The following RASAL2 variants were observed in gnomAD, a reference collection of about 807,000 sequenced individuals.
RASAL2 encodes the protein ras GTPase-activating protein nGAP.
A neutral mutation model predicts 128.9 loss-of-function variants in RASAL2; 58 were observed. The ratio of observed to expected loss-of-function variants is 0.45; its 90% CI spans 0.36 to 0.56. RASAL2 has a LOEUF of 0.56. Ranked by LOEUF, RASAL2 falls within the 20% of genes least tolerant of loss-of-function variation. The pLI, the probability that RASAL2 is intolerant of heterozygous loss-of-function variation, is 0.00. For synonymous variants in RASAL2, 561 were observed against 580.8 expected (o/e 0.97, Z 0.49); for missense variants, 1,360 against 1,601.6 (o/e 0.85, Z 2.57).
At chr1:178,159,063 A>G (rs1314896936) in intron 1 of RASAL2, among the ~76,000 whole-genome samples, 3 of 152,250 alleles carry the variant, frequency 2.0e-5, no homozygotes, top group East Asian at 1.9e-4. Context: ...AAAGTAAAAT[A>G]TAACTTGAAT....
intron 3 of RASAL2, among the ~76,000 whole-genome samples, chr1:178,311,634 A>G (rs1668256593): frequency 6.6e-6 from 1 of 152,130 alleles, no homozygotes; most frequent in Non-Finnish European, 1.5e-5. Flanking sequence ...AATTAGGTGA[A>G]TATGTGCACG....
At chr1:178,214,940 A>G (rs1372824932) in intron 1 of RASAL2, among the ~76,000 whole-genome samples, 2 of 152,208 alleles carry the variant, frequency 1.3e-5, no homozygotes, top group Non-Finnish European at 2.9e-5. Context: ...TAAATGGGAC[A>G]TATTAACTGT....
At chr1:178,429,960 C>T (rs1675777364) in intron 5 of RASAL2, among the ~76,000 whole-genome samples, 1 of 152,048 alleles carries the variant, frequency 6.6e-6, no homozygotes, top group East Asian at 1.9e-4. Flanking sequence ...CCCCACCCCC[C>T]AACTACCTGA....
At position 178,292,261 on chromosome 1, in the gene RASAL2, C is replaced by T. The variant is rs1487956658; in HGVS notation, c.331-7731C>T. On this transcript the variant is annotated intron_variant, in intron 2 of 17. Transcript: ENST00000367649. ...TAAGGATTTAAACTGAATCCTTAGC[C>T]AGGCACTGCTGGAATGTGGGAGGAT... 2.6e-5 allele frequency among the ~76,000 whole-genome samples: 4 copies of T among 152,086 alleles called. 1 individual carries two copies. The highest frequency in any genetic ancestry group is 5.9e-5 in the Non-Finnish European group (4 of 68,018).
chr1:178,406,281 A>G (rs1163866273), intron 4 of RASAL2, among the ~76,000 whole-genome samples: 1 of 152,218 alleles, frequency 6.6e-6, no homozygotes, highest in Non-Finnish European at 1.5e-5. Context: ...CTGTACATGC[A>G]ACAGCATGCA....
chr1:178,337,519 GTGT>G (rs1279054939), intron 3 of RASAL2, among the ~76,000 whole-genome samples: 1 of 152,244 alleles, frequency 6.6e-6, no homozygotes, highest in Non-Finnish European at 1.5e-5. Flanking sequence ...AAAAGACACT[GTGT>G]TTATGGTTAG....
chr1:178,138,769 C>T (rs113264264), intron 1 of RASAL2, among the ~76,000 whole-genome samples: 2,074 of 151,948 alleles, frequency 0.014, 47 homozygotes, highest in African/African-American at 0.046. Context: ...TCTGATCATC[C>T]GAATGGAGTT....
At chr1:178,162,401 A>T (rs1340672621) in intron 1 of RASAL2, among the ~76,000 whole-genome samples, 1 of 114,080 alleles carries the variant, frequency 8.8e-6, no homozygotes, top group South Asian at 2.3e-4. Context: ...TATATTATAT[A>T]TTTTATATAT....
chr1:178,236,239 TA>T (rs1664230838), intron 1 of RASAL2, among the ~76,000 whole-genome samples: 1 of 152,194 alleles, frequency 6.6e-6, no homozygotes. Flanking sequence ...TTATGCCTAA[TA>T]ATCTTGAGGG....
intron 14 of RASAL2, 111 bp from the exon 15 acceptor site, chr1:178,464,167 T>G: frequency 7.7e-7 from 1 of 1,299,422 alleles, no homozygotes; most frequent in Non-Finnish European, 1.0e-6. Context: ...CTAAGAGCAT[T>G]TATTAGAAAA....
At chr1:178,105,380 T>G (rs1659049962) in intron 1 of RASAL2, among the ~76,000 whole-genome samples, 1 of 152,228 alleles carries the variant, frequency 6.6e-6, no homozygotes, top group Non-Finnish European at 1.5e-5. Flanking sequence ...AAGCTTGTCT[T>G]GCTAGGCCAG....
intron 1 of RASAL2, among the ~76,000 whole-genome samples, chr1:178,235,982 A>C (rs1265827311): frequency 2.6e-5 from 4 of 152,192 alleles, no homozygotes; most frequent in African/African-American, 9.7e-5. Flanking sequence ...ATTTATTTAA[A>C]ATCCAAATTA....
chr1:178,234,757 C>T (rs1266021595), intron 1 of RASAL2, among the ~76,000 whole-genome samples: 1 of 152,064 alleles, frequency 6.6e-6, no homozygotes, highest in African/African-American at 2.4e-5. Flanking sequence ...ATTTCAGCCT[C>T]TCATTATTAG....
chr1:178,320,241 C>CT (rs745974180), intron 3 of RASAL2, among the ~76,000 whole-genome samples: 473 of 151,974 alleles, frequency 3.1e-3, no homozygotes, highest in Non-Finnish European at 4.8e-3. Context: ...TTACTGCTGT[C>CT]TTTTTGTTTG....
chr1:178,094,771 G>C, intron 1 of RASAL2, 77 bp downstream of exon 1: 1 of 1,546,192 alleles, frequency 6.5e-7, no homozygotes, highest in Non-Finnish European at 8.8e-7. Flanking sequence ...TAAGTCACAG[G>C]CTCATTCCCA....
At chr1:178,113,888 A>G (rs1340169703) in intron 1 of RASAL2, among the ~76,000 whole-genome samples, 1 of 152,110 alleles carries the variant, frequency 6.6e-6, no homozygotes, top group African/African-American at 2.4e-5. Flanking sequence ...GATCTGATAC[A>G]TCTTTTGTTG....
chr1:178,180,254 G>T (rs1342944974), intron 1 of RASAL2, among the ~76,000 whole-genome samples: 1 of 151,956 alleles, frequency 6.6e-6, no homozygotes, highest in Admixed American at 6.6e-5. Flanking sequence ...AGTCACAGTT[G>T]AGCTAAGTAG....
intron 7 of RASAL2, among the ~76,000 whole-genome samples, chr1:178,442,096 G>A (rs966182490): frequency 2.0e-5 from 3 of 152,056 alleles, no homozygotes; most frequent in African/African-American, 7.2e-5. Flanking sequence ...TGGCACCAAG[G>A]CATGAGGAAT....
intron 1 of RASAL2, among the ~76,000 whole-genome samples, chr1:178,280,532 C>T (rs1266770247): frequency 1.3e-5 from 2 of 151,742 alleles, no homozygotes; most frequent in Non-Finnish European, 2.9e-5. Context: ...ATACTGAAGT[C>T]CTCAGTAATT....
Sources: allele counts gnomAD v4.1 joint callset (sites outside exome capture counted in the v4.1 genomes callset), GRCh38; gene constraint gnomAD v4.1.1; transcripts MANE v1.5; gene names NCBI Gene and HGNC (gene_info 2026-07-23, HGNC 2026-07-21).